The following GALNT7 variants were observed in gnomAD, a reference collection of about 807,000 sequenced individuals.
GALNT7 encodes the protein N-acetylgalactosaminyltransferase 7.
In GALNT7, 60 loss-of-function variants were observed where a neutral mutation model predicts 82.1. That is an observed-to-expected ratio of 0.73 (90% CI 0.59 to 0.91). GALNT7 has a LOEUF of 0.91. GALNT7 is among the 40% of genes least tolerant of loss of function. GALNT7 has a pLI of 0.00. For synonymous variants in GALNT7, 243 were observed against 275.1 expected (o/e 0.88, Z 1.15); for missense variants, 660 against 804.2 (o/e 0.82, Z 2.17).
chr4:173,198,578 C>G (rs888048951), intron 1 of GALNT7, among the ~76,000 whole-genome samples: 40 of 152,302 alleles, frequency 2.6e-4, no homozygotes, highest in African/African-American at 9.4e-4. Flanking sequence ...ATACCTGCCT[C>G]TTAAAGATTC....
At chr4:173,319,506 G>C (rs984000157) in intron 11 of GALNT7, among the ~76,000 whole-genome samples, 2 of 151,728 alleles carry the variant, frequency 1.3e-5, no homozygotes, top group Non-Finnish European at 2.9e-5. Context: ...AAACCTTAAA[G>C]AGTGGAGCAT....
chr4:173,257,599 A>G (rs1276096595), intron 2 of GALNT7, among the ~76,000 whole-genome samples: 2 of 152,222 alleles, frequency 1.3e-5, no homozygotes, highest in African/African-American at 4.8e-5. Context: ...TCCCTGGGAA[A>G]TGACCTGTAG....
intron 1 of GALNT7, among the ~76,000 whole-genome samples, chr4:173,198,226 A>AC (rs375878626): frequency 1.4e-5 from 2 of 138,912 alleles, no homozygotes; most frequent in African/African-American, 5.3e-5. Flanking sequence ...TGCCTGGCTA[A>AC]TTTTTTTTTT....
intron 2 of GALNT7, among the ~76,000 whole-genome samples, chr4:173,281,175 T>C: frequency 6.6e-6 from 1 of 152,184 alleles, no homozygotes; most frequent in Non-Finnish European, 1.5e-5. Context: ...CTGGCCTGCT[T>C]ACCTCTGTCT....
At chr4:173,313,827 A>G in intron 8 of GALNT7, 131 bp from the exon 9 acceptor site, 2 of 391,168 alleles carry the variant, frequency 5.1e-6, no homozygotes, top group South Asian at 1.6e-4. Context: ...TTTGTTGTTT[A>G]ATTAAATGCC....
chr4:173,305,096 T>A (rs1455846808), intron 8 of GALNT7, among the ~76,000 whole-genome samples: 1 of 152,174 alleles, frequency 6.6e-6, no homozygotes, highest in African/African-American at 2.4e-5. Flanking sequence ...GGAACCTCTG[T>A]ACTGTTTTCC....
In GALNT7 at chr4:173,314,079, A is replaced by T. The variant is rs1475114692; in HGVS notation, c.1511A>T (p.Asp504Val). 1.2e-6 allele frequency: 2 copies of T among 1,613,664 alleles called. No individual in the cohort carries two copies. Among genetic ancestry groups the T allele is most frequent in the African/African-American group, 1.3e-5 (1 of 74,890 alleles). ...TCGGAGCTGAAAAAATTTCGAGAAG[A>T]TCACAACTGCAAAAGTTTTAAGTGG... is the stretch of plus-strand genomic sequence containing the variant. ...DISELKKFRE[D>V]HNCKSFKWFM... Residue 504 changes from aspartate (D) to valine (V), a missense_variant, in exon 9 of 12, where the codon GAT becomes GTT. Around this residue, in one of 2 missense-constraint regions of GALNT7, gnomAD observed 527 missense variants for 683.5 expected, o/e 0.77. Transcript: ENST00000265000.
intron 2 of GALNT7, among the ~76,000 whole-genome samples, chr4:173,268,896 C>A (rs1028785756): frequency 6.6e-6 from 1 of 152,126 alleles, no homozygotes; most frequent in South Asian, 2.1e-4. Flanking sequence ...GCATGCCCAT[C>A]AGGCATCTCC....
chr4:173,174,648 G>A (rs1410288315), intron 1 of GALNT7, among the ~76,000 whole-genome samples: 1 of 151,678 alleles, frequency 6.6e-6, no homozygotes, highest in Non-Finnish European at 1.5e-5. Context: ...AAGACCTCAT[G>A]AAGAATACTG....
chr4:173,320,157 T>C lies in GALNT7; in HGVS notation c.1837-1423T>C, dbSNP rs1195063026. 6.6e-6 allele frequency among the ~76,000 whole-genome samples: 1 copy of C among 152,018 alleles called. No homozygotes were observed. The highest frequency in any genetic ancestry group is 1.5e-5 in the Non-Finnish European group (1 of 67,972). Reference sequence around the variant, plus strand: ...GGAAAATAATTCTGGAAACGTGAGGTATGGACTGATGAAGCAACGAGATCA... The same window carrying C: ...GGAAAATAATTCTGGAAACGTGAGGCATGGACTGATGAAGCAACGAGATCA... On this transcript the variant is annotated intron_variant, in intron 11 of 11. Transcript: ENST00000265000. The surrounding 1 kb of genome is among the most constrained non-coding windows in gnomAD (Gnocchi z 4.1).
At chr4:173,177,241 C>T (rs1732077431) in intron 1 of GALNT7, among the ~76,000 whole-genome samples, 1 of 152,132 alleles carries the variant, frequency 6.6e-6, no homozygotes, top group African/African-American at 2.4e-5. Context: ...GCTGATGCTG[C>T]TGGTCCAGGG....
intron 5 of GALNT7, 56 bp from the exon 6 acceptor site, chr4:173,298,059 G>A (rs1385769507): frequency 2.5e-6 from 4 of 1,571,168 alleles, no homozygotes; most frequent in South Asian, 1.2e-5. Flanking sequence ...TCGTATAAAT[G>A]TGTGGGTCCA....
chr4:173,175,560 T>C (rs1732011121), intron 1 of GALNT7, among the ~76,000 whole-genome samples: 1 of 152,222 alleles, frequency 6.6e-6, no homozygotes, highest in African/African-American at 2.4e-5. Context: ...GCTAGCTGGG[T>C]AATTTCAGAT....
At chr4:173,178,165 C>T (rs1028369160) in intron 1 of GALNT7, among the ~76,000 whole-genome samples, 7 of 152,042 alleles carry the variant, frequency 4.6e-5, no homozygotes, top group African/African-American at 1.7e-4. Context: ...TTACTCATGT[C>T]TGAAATCTGG....
chr4:173,292,513 T>C lies in GALNT7; in HGVS notation c.754+239T>C, dbSNP rs1190294564. 6.6e-6 allele frequency among the ~76,000 whole-genome samples: 1 copy of C among 152,222 alleles called. No homozygotes were observed. Among genetic ancestry groups the C allele is most frequent in the East Asian group, 1.9e-4 (1 of 5,204 alleles). ...TACACGCTCAGAGATGTACAAGTAG[T>C]ACACAAAAATTTGGTTGTACACAAA... is the stretch of plus-strand genomic sequence containing the variant. On this transcript the variant is annotated intron_variant, in intron 3 of 11. Coordinates refer to ENST00000265000, the MANE Select transcript of GALNT7 (RefSeq NM_017423.3). The surrounding 1 kb of genome is among the most constrained non-coding windows in gnomAD (Gnocchi z 4.8).
chr4:173,181,141 T>C (rs1335217013), intron 1 of GALNT7, among the ~76,000 whole-genome samples: 1 of 152,246 alleles, frequency 6.6e-6, no homozygotes, highest in Non-Finnish European at 1.5e-5. Flanking sequence ...ACTTTACACA[T>C]GCAGATTTTT....
intron 1 of GALNT7, among the ~76,000 whole-genome samples, chr4:173,232,253 G>A (rs1054938948): frequency 6.6e-6 from 1 of 151,868 alleles, no homozygotes; most frequent in Non-Finnish European, 1.5e-5. Context: ...AGCCTGGTTA[G>A]GGAGACTTTC....
intron 8 of GALNT7, among the ~76,000 whole-genome samples, chr4:173,305,284 GT>G (rs1487344157): frequency 6.6e-6 from 1 of 152,134 alleles, no homozygotes; most frequent in Non-Finnish European, 1.5e-5. Flanking sequence ...TAATCAGGTT[GT>G]TTCCTTACTA....
At chr4:173,173,043 A>G (rs541685298) in intron 1 of GALNT7, among the ~76,000 whole-genome samples, 1 of 152,246 alleles carries the variant, frequency 6.6e-6, no homozygotes, top group South Asian at 2.1e-4. Flanking sequence ...CCTTGCTTAG[A>G]TTGGCAGGGC....
Sources: allele counts gnomAD v4.1 joint callset (sites outside exome capture counted in the v4.1 genomes callset), GRCh38; gene constraint gnomAD v4.1.1; regional missense constraint gnomAD v4.1.1; non-coding constraint Gnocchi (gnomAD v3.1); transcripts MANE v1.5; gene names NCBI Gene and HGNC (gene_info 2026-07-23, HGNC 2026-07-21).